Variants in HCN1 observed in about 807,000 individuals in gnomAD.
HCN1 encodes potassium/sodium hyperpolarization-activated cyclic nucleotide-gated channel 1.
A neutral mutation model predicts 78.9 loss-of-function variants in HCN1; 13 were observed. The observed-to-expected ratio is 0.16, with a 90% CI of 0.11 to 0.26. The LOEUF (loss-of-function observed/expected upper bound fraction) is 0.26, where lower values mean the gene tolerates loss of function less well. HCN1 is among the 10% of genes least tolerant of loss of function. HCN1 has a pLI of 1.00. For missense variants in HCN1, 810 were observed against 1,154.3 expected (o/e 0.70, Z 4.32); for synonymous variants, 552 against 455.5 (o/e 1.21, Z -2.70).
rs375116479 is a variant in HCN1 at position 45,291,277 on chromosome 5, C to G, written c.1618+12322G>C. Reference sequence around the variant, plus strand: ...TTATTCACTGTTCACTACCTTCCCACATGAAGAGTTCTTGGTCTATCACTA... The same window carrying G: ...TTATTCACTGTTCACTACCTTCCCAGATGAAGAGTTCTTGGTCTATCACTA... On this transcript the variant is annotated intron_variant, in intron 6 of 7. Coordinates refer to ENST00000303230, the MANE Select transcript of HCN1 (RefSeq NM_021072.4). 8.5e-5 allele frequency among the ~76,000 whole-genome samples: 13 copies of G among 152,170 alleles called. No individual in the cohort carries two copies. In the East Asian group the frequency reaches 2.3e-3, roughly 27 times the overall value.
chr5:45,397,238 G>A (rs1173585055), intron 3 of HCN1, among the ~76,000 whole-genome samples: 1 of 152,042 alleles, frequency 6.6e-6, no homozygotes, highest in African/African-American at 2.4e-5. Flanking sequence ...TGGAAATACA[G>A]GTCTGATAAA....
chr5:45,681,977 G>C (rs1012679008), intron 1 of HCN1, among the ~76,000 whole-genome samples: 2 of 151,950 alleles, frequency 1.3e-5, no homozygotes, highest in Non-Finnish European at 2.9e-5. Context: ...TGGGAGGAGG[G>C]GCCTTTGGGA....
At chr5:45,375,741 C>CATA (rs1561131686) in intron 4 of HCN1, among the ~76,000 whole-genome samples, 4 of 81,668 alleles carry the variant, frequency 4.9e-5, no homozygotes, top group African/African-American at 2.3e-4. Context: ...TATGATATAT[C>CATA]TTATATATAA....
chr5:45,262,356 A>C lies in HCN1; in HGVS notation c.2238T>G (p.Thr746=). The change falls in exon 8 of 8, where the codon ACT becomes ACG. Residue 746 remains threonine (T), a synonymous_variant. Transcript: ENST00000303230. ...QQVQQSQPPQ[T]QPQQPSPQPQ... ...GCTGCGGGGACGGCTGCTGTGGCTG[A>C]GTCTGCGGCGGCTGGGACTGCTGTA... is the stretch of plus-strand genomic sequence containing the variant. 6.2e-7 allele frequency: 1 copy of C among 1,612,728 alleles called. No homozygotes were observed. The highest frequency in any genetic ancestry group is 8.5e-7 in the Non-Finnish European group (1 of 1,179,704).
chr5:45,341,014 A>C (rs1746568434), intron 5 of HCN1, among the ~76,000 whole-genome samples: 1 of 152,166 alleles, frequency 6.6e-6, no homozygotes, highest in Non-Finnish European at 1.5e-5. Flanking sequence ...TTTTAACTAG[A>C]TAACATTTCC....
intron 4 of HCN1, among the ~76,000 whole-genome samples, chr5:45,373,376 T>C (rs1473592066): frequency 3.5e-5 from 4 of 112,888 alleles, no homozygotes; most frequent in Admixed American, 1.1e-4. Context: ...ATATATATTT[T>C]ATATAATATA....
intron 2 of HCN1, among the ~76,000 whole-genome samples, chr5:45,638,308 G>C (rs1033659559): frequency 6.6e-6 from 1 of 152,044 alleles, no homozygotes; most frequent in African/African-American, 2.4e-5. Context: ...TAGAAACTTG[G>C]ATATCAATCT....
intron 2 of HCN1, among the ~76,000 whole-genome samples, chr5:45,500,112 T>C (rs567080245): frequency 6.6e-6 from 1 of 152,290 alleles, no homozygotes; most frequent in East Asian, 1.9e-4. Context: ...ACCATGGATG[T>C]TTCCAGGGAC....
chr5:45,424,989 A>G (rs932705069), intron 3 of HCN1, among the ~76,000 whole-genome samples: 3 of 152,194 alleles, frequency 2.0e-5, no homozygotes. Context: ...TTAACGGTCC[A>G]TAGTTTGGGT....
intron 4 of HCN1, among the ~76,000 whole-genome samples, chr5:45,356,610 C>T (rs1005480670): frequency 6.6e-6 from 1 of 151,860 alleles, no homozygotes; most frequent in Admixed American, 6.6e-5. Flanking sequence ...CTTACAGTAC[C>T]CCAAATCTTC....
intron 4 of HCN1, among the ~76,000 whole-genome samples, chr5:45,382,425 A>T (rs1327771466): frequency 2.0e-5 from 3 of 152,168 alleles, no homozygotes; most frequent in Non-Finnish European, 2.9e-5. Context: ...GAATGAATTA[A>T]TATATGAATT....
At chr5:45,525,081 T>C (rs1476635975) in intron 2 of HCN1, among the ~76,000 whole-genome samples, 1 of 152,126 alleles carries the variant, frequency 6.6e-6, no homozygotes, top group Non-Finnish European at 1.5e-5. Flanking sequence ...CTGTTGAATT[T>C]TGTCAAAGGC....
At chr5:45,470,238 G>T (rs1741363681) in intron 2 of HCN1, among the ~76,000 whole-genome samples, 1 of 151,956 alleles carries the variant, frequency 6.6e-6, no homozygotes, top group South Asian at 2.1e-4. Flanking sequence ...AAGAAACAGA[G>T]GTGTTGGTTT....
Position 45,349,226 on chromosome 5 carries a change from A to G in HCN1, c.1377+3874T>C, listed in dbSNP as rs533260925. On this transcript the variant is annotated intron_variant, in intron 5 of 7. Transcript: ENST00000303230. ...AACTCAGGATTAAGAAACTCACTCA[A>G]AGCCACTCAACTACATGGAAACTGA... 2.3e-3 allele frequency among the ~76,000 whole-genome samples: 347 copies of G among 152,328 alleles called. 2 individuals carry two copies. The highest frequency in any genetic ancestry group is 8.0e-3 in the African/African-American group (334 of 41,570).
chr5:45,543,123 G>T (rs1406745200), intron 2 of HCN1, among the ~76,000 whole-genome samples: 1 of 151,940 alleles, frequency 6.6e-6, no homozygotes, highest in African/African-American at 2.4e-5. Flanking sequence ...TACCCATAAG[G>T]CATGGACAAA....
chr5:45,516,538 C>T (rs1230627480), intron 2 of HCN1, among the ~76,000 whole-genome samples: 1 of 151,832 alleles, frequency 6.6e-6, no homozygotes, highest in African/African-American at 2.4e-5. Context: ...TTAAAATATG[C>T]CATAATTTGA....
chr5:45,308,041 A>G (rs1745771721), intron 5 of HCN1, among the ~76,000 whole-genome samples: 2 of 152,070 alleles, frequency 1.3e-5, no homozygotes, highest in Admixed American at 1.3e-4. Context: ...GGGGGAGAAG[A>G]ACCCACATGA....
At chr5:45,410,958 A>G (rs1193215936) in intron 3 of HCN1, among the ~76,000 whole-genome samples, 1 of 152,058 alleles carries the variant, frequency 6.6e-6, no homozygotes, top group Non-Finnish European at 1.5e-5. Flanking sequence ...CCTTGATCTC[A>G]CAGACAACTT....
chr5:45,684,852 ACT>A (rs1488598594), intron 1 of HCN1, among the ~76,000 whole-genome samples: 3 of 152,276 alleles, frequency 2.0e-5, no homozygotes, highest in Admixed American at 6.5e-5. Context: ...ACAAAGCAAG[ACT>A]CTGTCTCAAA....
Sources: gnomAD v4.1 joint callset for allele counts (sites outside exome capture counted in the v4.1 genomes callset) on GRCh38, gnomAD v4.1.1 for gene constraint, MANE v1.5 for transcripts, NCBI Gene and HGNC (gene_info 2026-07-23, HGNC 2026-07-21) for gene names.